RIMBP2: variants seen among roughly 807,000 people sequenced by gnomAD.
The protein encoded by RIMBP2 is RIMS binding protein 2.
A neutral mutation model predicts 118.6 loss-of-function variants in RIMBP2; 48 were observed. The ratio of observed to expected loss-of-function variants is 0.40; its 90% CI spans 0.32 to 0.51. The LOEUF is 0.51. Among genes scored for constraint, RIMBP2 ranks in the 20% least tolerant of loss-of-function variants. The probability of loss-of-function intolerance (pLI) is 0.41; values close to 1 mark genes in which losing one functional copy is unlikely to be tolerated. For missense variants in RIMBP2, 1,551 were observed against 1,768.3 expected, an observed-to-expected ratio of 0.88 and a Z score of 2.20; for synonymous variants, 762 against 742.9, an observed-to-expected ratio of 1.03 and a Z score of -0.42.
intron 2 of RIMBP2, among the ~76,000 whole-genome samples, chr12:130,533,442 T>C (rs753341009): frequency 1.3e-5 from 2 of 152,202 alleles, no homozygotes; most frequent in African/African-American, 4.8e-5. Flanking sequence ...AGGGAACTCT[T>C]ACACACTGAT....
intron 1 of RIMBP2, among the ~76,000 whole-genome samples, chr12:130,692,793 AT>A (rs113473810): frequency 0.029 from 4,157 of 145,800 alleles, 193 homozygotes; most frequent in African/African-American, 0.099. Flanking sequence ...ATGGAATCAA[AT>A]AGAATGGAAA....
intron 2 of RIMBP2, among the ~76,000 whole-genome samples, chr12:130,608,033 A>C (rs1566357041): frequency 6.6e-6 from 1 of 152,190 alleles, no homozygotes; most frequent in Non-Finnish European, 1.5e-5. Context: ...AAATATGCTC[A>C]AAACATTGAT....
At chr12:130,577,761 G>A (rs919166373) in intron 2 of RIMBP2, among the ~76,000 whole-genome samples, 8 of 152,156 alleles carry the variant, frequency 5.3e-5, no homozygotes, top group South Asian at 4.2e-4. Flanking sequence ...CCTTTATGGT[G>A]CAATAAACGG....
Position 130,592,405 on chromosome 12 carries a change from C to A in RIMBP2, c.-217+35917G>T, listed in dbSNP as rs1056090355. ...TTGCTTCTCTGTGTAAAAATGGATG[C>A]GCTGGCCAGATGCAGTGGCTCACAC... On this transcript the variant is annotated intron_variant, in intron 2 of 22. Coordinates refer to ENST00000690449, the MANE Select transcript of RIMBP2 (RefSeq NM_001393629.1). Among the ~76,000 whole-genome samples the A allele has an allele frequency of 2.0e-5, 3 of 152,238 alleles. No individual in the cohort carries two copies. The East Asian group carries it at 5.8e-4, about 30-fold the overall frequency.
chr12:130,428,450 G>T, intron 14 of RIMBP2, 113 bp from the exon 15 acceptor site: 2 of 1,099,034 alleles, frequency 1.8e-6, no homozygotes, highest in Non-Finnish European at 1.3e-6. Context: ...GGGCTCACAG[G>T]CCTAGAGACG....
intron 3 of RIMBP2, among the ~76,000 whole-genome samples, chr12:130,516,921 T>C (rs1218287430): frequency 6.6e-6 from 1 of 152,090 alleles, no homozygotes; most frequent in Non-Finnish European, 1.5e-5. Flanking sequence ...GGCTTTGGCA[T>C]CTGGGAAAGA....
chr12:130,561,723 A>G (rs766020383), intron 2 of RIMBP2, among the ~76,000 whole-genome samples: 1 of 152,118 alleles, frequency 6.6e-6, no homozygotes, highest in Non-Finnish European at 1.5e-5. Flanking sequence ...TTCACTAAAC[A>G]TGATAAAAGG....
intron 2 of RIMBP2, among the ~76,000 whole-genome samples, chr12:130,535,650 TACATATAC>T (rs1339936448): frequency 2.0e-5 from 3 of 149,458 alleles, no homozygotes; most frequent in Non-Finnish European, 3.0e-5. Flanking sequence ...TAGATATACA[TACATATAC>T]ACATATACAT....
chr12:130,641,245 C>T (rs540699837), intron 1 of RIMBP2, among the ~76,000 whole-genome samples: 7 of 152,288 alleles, frequency 4.6e-5, no homozygotes, highest in South Asian at 4.1e-4. Flanking sequence ...GAGCCCTGAC[C>T]GCACTGCAAG....
At chr12:130,486,304 C>A (rs566685350) in intron 4 of RIMBP2, among the ~76,000 whole-genome samples, 1 of 151,914 alleles carries the variant, frequency 6.6e-6, no homozygotes, top group Non-Finnish European at 1.5e-5. Flanking sequence ...CCGTGGGGCG[C>A]GCTGACCTGG....
At chr12:130,479,883 T>G (rs542488008) in intron 4 of RIMBP2, among the ~76,000 whole-genome samples, 1 of 151,680 alleles carries the variant, frequency 6.6e-6, no homozygotes, top group East Asian at 2.0e-4. Context: ...GGTTTAACTC[T>G]CACCTATTTG....
At position 130,703,167 on chromosome 12, in the gene RIMBP2, G is replaced by A. The variant is rs2065939068; in HGVS notation, c.-352+13055C>T. Among the ~76,000 whole-genome samples the A allele has an allele frequency of 6.6e-6, 1 of 152,098 alleles. No individual in the cohort carries two copies. The highest frequency in any genetic ancestry group is 6.5e-5 in the Admixed American group (1 of 15,276). ...TGGAGATAATTGCAGTTGCCAAAGT[G>A]GTCCGGCCTCCTAGCATGGGGGCAG... On this transcript the variant is annotated intron_variant, in intron 1 of 22. Transcript: ENST00000690449. This position sits in a 1 kb window ranked among gnomAD's most constrained non-coding sequence, Gnocchi z 5.7.
At chr12:130,685,811 C>CT (rs2065013552) in intron 1 of RIMBP2, among the ~76,000 whole-genome samples, 1 of 152,198 alleles carries the variant, frequency 6.6e-6, no homozygotes. Flanking sequence ...CACAGCCCCT[C>CT]CAAAATCTCA....
chr12:130,605,346 G>A (rs1009456012), intron 2 of RIMBP2, among the ~76,000 whole-genome samples: 7 of 152,070 alleles, frequency 4.6e-5, no homozygotes, highest in East Asian at 1.9e-4. Context: ...TCAATCACGC[G>A]GGGAAACCGT....
intron 2 of RIMBP2, among the ~76,000 whole-genome samples, chr12:130,587,842 AG>A (rs374686107): frequency 1.6e-4 from 24 of 145,950 alleles, no homozygotes; most frequent in African/African-American, 5.5e-4. Context: ...AAAAAAAAAA[AG>A]AAAAAAAAAA....
At chr12:130,399,894 C>CA in intron 21 of RIMBP2, 81 bp from the exon 22 acceptor site, 3 of 1,472,164 alleles carry the variant, frequency 2.0e-6, no homozygotes, top group Non-Finnish European at 2.8e-6. Context: ...GAATACAGCT[C>CA]AGAGTACAGG....
At chr12:130,440,397 C>T (rs532987499) in intron 11 of RIMBP2, among the ~76,000 whole-genome samples, 52 of 152,308 alleles carry the variant, frequency 3.4e-4, no homozygotes, top group Admixed American at 2.9e-3. Flanking sequence ...AACACAGACA[C>T]GTCCCTCCAG....
At chr12:130,487,324 G>A (rs546582607) in intron 4 of RIMBP2, among the ~76,000 whole-genome samples, 8 of 151,918 alleles carry the variant, frequency 5.3e-5, no homozygotes, top group South Asian at 2.1e-4. Context: ...TCTGGGTCAC[G>A]GGGGCATAGC....
rs184089496 is a variant in RIMBP2, at chr12:130,578,200, G to A, written c.-217+50122C>T. On this transcript the variant is annotated intron_variant, in intron 2 of 22. Transcript: ENST00000690449. The surrounding 1 kb of genome is among the most constrained non-coding windows in gnomAD (Gnocchi z 4.1). ...AAGCTGATGAGGAGGCATGGGTCAG[G>A]GCCTGAGCTGGGGCAGAAGCTCAGA... 6.6e-6 allele frequency among the ~76,000 whole-genome samples: 1 copy of A among 152,142 alleles called. No individual in the cohort carries two copies. Among genetic ancestry groups the A allele is most frequent in the East Asian group, 1.9e-4 (1 of 5,186 alleles).
Sources: allele counts gnomAD v4.1 joint callset (sites outside exome capture counted in the v4.1 genomes callset), GRCh38; gene constraint gnomAD v4.1.1; non-coding constraint Gnocchi (gnomAD v3.1); transcripts MANE v1.5; gene names NCBI Gene and HGNC (gene_info 2026-07-23, HGNC 2026-07-21).